The following REL variants were observed in gnomAD, a reference collection of about 807,000 sequenced individuals.
REL encodes the protein REL proto-oncogene, NF-kB subunit, also known as proto-oncogene c-Rel.
In REL, 15 loss-of-function variants were observed where a neutral mutation model predicts 45.9. The ratio of observed to expected loss-of-function variants is 0.33; its 90% confidence interval spans 0.22 to 0.50. The LOEUF (loss-of-function observed/expected upper bound fraction) is 0.50, where lower values mean the gene tolerates loss of function less well. Among genes scored for constraint, REL ranks in the 20% least tolerant of loss-of-function variants. The probability of loss-of-function intolerance (pLI) is 0.98; values close to 1 mark genes in which losing one functional copy is unlikely to be tolerated. For missense variants in REL, 601 were observed against 715.2 expected (o/e 0.84, Z 1.82); for synonymous variants, 239 against 242.1 (o/e 0.99, Z 0.12).
intron 8 of REL, 174 bp from the exon 9 acceptor site, chr2:60,920,400 C>G (rs1674107206): frequency 3.0e-6 from 2 of 658,960 alleles, no homozygotes; most frequent in Non-Finnish European, 5.5e-6. Flanking sequence ...AGGGTTTCGC[C>G]ATGTTGACCA....
intron 1 of REL, among the ~76,000 whole-genome samples, chr2:60,884,442 T>A (rs1226578676): frequency 2.0e-5 from 3 of 152,112 alleles, no homozygotes; most frequent in Non-Finnish European, 4.4e-5. Flanking sequence ...CTTTCGTTGC[T>A]TTTTAAAAAA....
At chr2:60,906,672 C>T (rs1673660346) in intron 4 of REL, among the ~76,000 whole-genome samples, 1 of 152,030 alleles carries the variant, frequency 6.6e-6, no homozygotes. Flanking sequence ...GAGCCATGTT[C>T]TTTCTTACCT....
intron 1 of REL, among the ~76,000 whole-genome samples, chr2:60,889,129 T>C (rs1673143203): frequency 6.6e-6 from 1 of 152,208 alleles, no homozygotes; most frequent in South Asian, 2.1e-4. Flanking sequence ...AGAAAGTGTG[T>C]TCCATTTACA....
In REL at chr2:60,882,404, G is replaced by T. The variant is rs1369957837; in HGVS notation, c.10+554G>T. Among the ~76,000 whole-genome samples the T allele has an allele frequency of 2.0e-5, 3 of 152,144 alleles. No individual in the cohort carries two copies. The East Asian group carries it at 5.8e-4, about 29-fold the overall frequency. On this transcript the variant is annotated intron_variant, in intron 1 of 9. Coordinates refer to ENST00000394479, the MANE Select transcript of REL (RefSeq NM_001291746.2). ...TTCGACCAAGTGTAGGCCGGGCGCG[G>T]TGGCTCATGCCTGTATTCCCAGCAC...
chr2:60,907,721 C>T (rs1444756311), intron 4 of REL, among the ~76,000 whole-genome samples: 12 of 150,948 alleles, frequency 7.9e-5, no homozygotes, highest in South Asian at 4.2e-4. Flanking sequence ...TACGGAGTCT[C>T]GCTCTGTTGC....
At chr2:60,885,443 T>C (rs948911418) in intron 1 of REL, among the ~76,000 whole-genome samples, 1 of 151,818 alleles carries the variant, frequency 6.6e-6, no homozygotes, top group Non-Finnish European at 1.5e-5. Context: ...AAGACTTACC[T>C]TTTTTCCCCC....
chr2:60,886,630 A>T (rs764349840), intron 1 of REL, among the ~76,000 whole-genome samples: 224 of 152,290 alleles, frequency 1.5e-3, no homozygotes, highest in Non-Finnish European at 1.4e-3. Flanking sequence ...TGTTATAATT[A>T]CAATAATTAG....
chr2:60,883,430 A>G (rs1394776152), intron 1 of REL, among the ~76,000 whole-genome samples: 3 of 152,326 alleles, frequency 2.0e-5, no homozygotes, highest in East Asian at 3.9e-4. Context: ...CTTAAGTGAC[A>G]CCAGACTTTC....
chr2:60,898,194 C>T (rs1047985078), intron 3 of REL, among the ~76,000 whole-genome samples: 3 of 152,230 alleles, frequency 2.0e-5, no homozygotes, highest in Non-Finnish European at 2.9e-5. Flanking sequence ...TTTCCAAACC[C>T]TCTATCTTTC....
At chr2:60,917,487 A>G (rs557450353) in intron 5 of REL, among the ~76,000 whole-genome samples, 1 of 150,794 alleles carries the variant, frequency 6.6e-6, no homozygotes, top group African/African-American at 2.4e-5. Context: ...TTGGCCTAGC[A>G]AACTGTACTG....
At chr2:60,900,721 C>T (rs1673470953) in intron 3 of REL, 1 of 322,254 alleles carries the variant, frequency 3.1e-6, no homozygotes, top group Non-Finnish European at 5.7e-6. Context: ...CGGGGTTTCT[C>T]CATGTTGATC....
At position 60,928,893 on chromosome 2, in the gene REL, CA is replaced by C. The variant is rs1674327632; in HGVS notation, c.*6362del. The stretch of plus-strand genomic sequence containing the variant: ...ACCATCAGAGTGAACAGGCAACCTA[CA>C]AAATGGGAGAAAATTTTCGCAACCT... On this transcript the variant is annotated 3_prime_UTR_variant, in exon 10 of 10. Transcript: ENST00000394479. 6.7e-6 allele frequency: 1 copy of C among 150,006 alleles called. No homozygotes were observed. The highest frequency in any genetic ancestry group is 6.7e-5 in the Admixed American group (1 of 14,966). 9.3% of individuals were successfully genotyped at this position (150,006 alleles called of 1,614,324 possible). A position where few individuals can be genotyped will look rare whatever the true frequency, so the allele number is the denominator to read the frequency against.
chr2:60,891,550 G>A, intron 1 of REL, 133 bp from the exon 2 acceptor site: 1 of 765,916 alleles, frequency 1.3e-6, no homozygotes, highest in South Asian at 2.1e-5. Context: ...TAACATTTCG[G>A]TCTTGTTATT....
intron 4 of REL, chr2:60,911,329 A>T (rs1310156106): frequency 6.6e-6 from 1 of 152,256 alleles, no homozygotes; most frequent in Non-Finnish European, 1.5e-5. Flanking sequence ...AGTATAGCCA[A>T]GTGAGGTTTA....
In REL at chr2:60,930,291, T is replaced by C. The variant is rs985974632; in HGVS notation, c.*7756T>C. ...ATTAATCTTTAATTTAGATACTCCT[T>C]CTAGTTATCTAATACACAGCAGAGT... is the stretch of plus-strand genomic sequence containing the variant. On this transcript the variant is annotated 3_prime_UTR_variant, in exon 10 of 10. Coordinates refer to ENST00000394479, the MANE Select transcript of REL (RefSeq NM_001291746.2). 1 of 152,336 alleles carries C rather than the reference T, an allele frequency of 6.6e-6. No homozygotes were observed. The highest frequency in any genetic ancestry group is 6.5e-5 in the Admixed American group (1 of 15,280). 9.4% of individuals were successfully genotyped at this position (152,336 alleles called of 1,614,324 possible).
Position 60,927,212 on chromosome 2 carries a change from A to T in REL, c.*4677A>T, listed in dbSNP as rs1051108536. The stretch of plus-strand genomic sequence containing the variant: ...TGCTGAATAAATAGTAGCTATTATT[A>T]GAAAAGGAAGGGTGAAATTGACATG... On this transcript the variant is annotated 3_prime_UTR_variant, in exon 10 of 10. Coordinates refer to ENST00000394479, the MANE Select transcript of REL (RefSeq NM_001291746.2). The T allele has an allele frequency of 4.4e-6, 1 of 227,592 alleles. No individual in the cohort carries two copies. The highest frequency in any genetic ancestry group is 8.7e-6 in the Non-Finnish European group (1 of 114,590). The allele number at this position is 227,592 out of a possible 1,614,324, so 14.1% of individuals were successfully genotyped here. A position where few individuals can be genotyped will look rare whatever the true frequency, so the allele number is the denominator to read the frequency against.
At chr2:60,910,061 T>C (rs1202039454) in intron 4 of REL, among the ~76,000 whole-genome samples, 3 of 152,148 alleles carry the variant, frequency 2.0e-5, no homozygotes, top group Non-Finnish European at 4.4e-5. Flanking sequence ...TTATGAAAAA[T>C]ATAGCATGAT....
rs544194922 is a variant in REL at position 60,927,591 on chromosome 2, C to T, written c.*5056C>T. On this transcript the variant is annotated 3_prime_UTR_variant, in exon 10 of 10. Transcript: ENST00000394479. Reference sequence around the variant, plus strand: ...CAGCACCTAACCCTCACACAACACTCCAGTATTGATGCAGTCAATCTTGTA... The same window carrying T: ...CAGCACCTAACCCTCACACAACACTTCAGTATTGATGCAGTCAATCTTGTA... 106 of 230,224 alleles carry T rather than the reference C, an allele frequency of 4.6e-4. 2 individuals carry two copies. The East Asian group carries it at 6.5e-3, about 14-fold the overall frequency. 14.3% of individuals were successfully genotyped at this position (230,224 alleles called of 1,614,324 possible).
At chr2:60,906,927 T>C (rs1418541514) in intron 4 of REL, among the ~76,000 whole-genome samples, 49 of 146,382 alleles carry the variant, frequency 3.3e-4, no homozygotes, top group African/African-American at 1.1e-3. Flanking sequence ...TTTTTTTTTT[T>C]TTCTTTTCCG....
Sources: gnomAD v4.1 joint callset for allele counts (sites outside exome capture counted in the v4.1 genomes callset) on GRCh38, gnomAD v4.1.1 for gene constraint, MANE v1.5 for transcripts, NCBI Gene and HGNC (gene_info 2026-07-23, HGNC 2026-07-21) for gene names.